The following ACYP2 variants were observed in gnomAD, a reference collection of about 807,000 sequenced individuals.
The protein encoded by ACYP2 is acylphosphatase-2.
In ACYP2, 12 loss-of-function variants were observed where a neutral mutation model predicts 11.2. That is an observed-to-expected ratio of 1.08 (90% CI 0.69 to 1.74). The LOEUF is 1.74. Among genes scored for constraint, ACYP2 ranks in the 40% most tolerant of loss-of-function variants. ACYP2 has a pLI of 0.00. For missense variants in ACYP2, 134 were observed against 101.9 expected (o/e 1.31, Z -1.35); for synonymous variants, 43 against 32.2 (o/e 1.33, Z -1.13).
In ACYP2 at chr2:54,262,814, C is replaced by G. The variant is rs541706019; in HGVS notation, c.405-41874C>G. Among the ~76,000 whole-genome samples the G allele has an allele frequency of 2.0e-5, 3 of 151,906 alleles. No individual in the cohort carries two copies. In the South Asian group the frequency reaches 6.2e-4, roughly 32 times the overall value. On this transcript the variant is annotated intron_variant, in intron 6 of 6. Coordinates refer to ENST00000607452, the MANE Select transcript of ACYP2 (RefSeq NM_001320586.2). ...TTAACTGTATCATCTTTAATTTATC[C>G]TGTTTGAATATAGATTAGGTACAAC...
chr2:54,020,513 C>A (rs1377100857), intron 2 of ACYP2, among the ~76,000 whole-genome samples: 3 of 152,168 alleles, frequency 2.0e-5, no homozygotes, highest in African/African-American at 7.2e-5. Flanking sequence ...TGCAATTATC[C>A]TGTCATTACC....
At chr2:54,178,440 A>C (rs1343873486) in intron 6 of ACYP2, among the ~76,000 whole-genome samples, 1 of 152,168 alleles carries the variant, frequency 6.6e-6, no homozygotes, top group Non-Finnish European at 1.5e-5. Flanking sequence ...ACGTATTTTC[A>C]AGATGATTGG....
chr2:54,251,308 A>T (rs767764618), intron 6 of ACYP2, among the ~76,000 whole-genome samples: 3 of 152,224 alleles, frequency 2.0e-5, no homozygotes, highest in Admixed American at 1.3e-4. Flanking sequence ...GATGTGCAGC[A>T]TACTTTTAAA....
chr2:54,132,146 C>T (rs1216300838), intron 4 of ACYP2, among the ~76,000 whole-genome samples: 1 of 150,208 alleles, frequency 6.7e-6, no homozygotes, highest in Non-Finnish European at 1.5e-5. Context: ...TTACTGTGTT[C>T]TGGGATCCCC....
At chr2:54,022,782 G>A (rs1674073990) in intron 2 of ACYP2, among the ~76,000 whole-genome samples, 1 of 152,172 alleles carries the variant, frequency 6.6e-6, no homozygotes, top group Non-Finnish European at 1.5e-5. Flanking sequence ...CAGGCAAGGG[G>A]TGCCCTCTCC....
chr2:54,142,123 C>G (rs1681643202), intron 6 of ACYP2: 1 of 390,576 alleles, frequency 2.6e-6, no homozygotes, highest in African/African-American at 2.1e-5. Context: ...ACTTTCCTGC[C>G]TCAGCCTCCC....
chr2:54,223,604 T>C (rs1339077007), intron 6 of ACYP2, among the ~76,000 whole-genome samples: 1 of 152,212 alleles, frequency 6.6e-6, no homozygotes, highest in Non-Finnish European at 1.5e-5. Context: ...GAAGAACTGA[T>C]TTCCACTTCT....
chr2:54,095,028 C>G (rs1005500570), intron 4 of ACYP2, among the ~76,000 whole-genome samples: 1 of 134,918 alleles, frequency 7.4e-6, no homozygotes, highest in Non-Finnish European at 1.7e-5. Flanking sequence ...GCAGAGGACC[C>G]TGCGGCCTTC....
chr2:54,123,224 A>T, intron 4 of ACYP2: 1 of 397,052 alleles, frequency 2.5e-6, no homozygotes, highest in Non-Finnish European at 4.4e-6. Flanking sequence ...TCCGCTAGAG[A>T]GAAAGATGCT....
rs191914911 is a variant in ACYP2 at position 54,228,839 on chromosome 2, C to A, written c.405-75849C>A. ...CCATAACCAGGGGACTGAGACTTCA[C>A]AGTAAGGAACCCAGCCAGTAGAAAC... On this transcript the variant is annotated intron_variant, in intron 6 of 6. Transcript: ENST00000607452. Among the ~76,000 whole-genome samples the A allele has an allele frequency of 2.1e-3, 323 of 152,170 alleles. 2 individuals carry two copies. The highest frequency in any genetic ancestry group is 7.1e-3 in the African/African-American group (295 of 41,516).
intron 6 of ACYP2, among the ~76,000 whole-genome samples, chr2:54,154,262 T>G (rs1169580183): frequency 1.3e-5 from 2 of 152,214 alleles, no homozygotes; most frequent in Non-Finnish European, 2.9e-5. Flanking sequence ...TCCTTTCCTA[T>G]TTGAATGCCT....
At chr2:54,225,294 G>T (rs1203235131) in intron 6 of ACYP2, among the ~76,000 whole-genome samples, 2 of 152,158 alleles carry the variant, frequency 1.3e-5, no homozygotes, top group Non-Finnish European at 2.9e-5. Context: ...AAAGGAGCTG[G>T]TTATTGTGAC....
intron 3 of ACYP2, among the ~76,000 whole-genome samples, chr2:54,056,355 A>G (rs1289393515): frequency 1.3e-5 from 2 of 152,198 alleles, no homozygotes; most frequent in African/African-American, 4.8e-5. Context: ...ATAAAATCAT[A>G]TGTTCTTTCC....
intron 4 of ACYP2, among the ~76,000 whole-genome samples, chr2:54,101,595 A>T (rs1049420685): frequency 2.0e-5 from 3 of 150,516 alleles, no homozygotes; most frequent in Non-Finnish European, 4.4e-5. Context: ...AATCGCTTGA[A>T]CCTGGGAGGC....
At chr2:54,300,633 C>A (rs1353048338) in intron 6 of ACYP2, among the ~76,000 whole-genome samples, 1 of 152,220 alleles carries the variant, frequency 6.6e-6, no homozygotes, top group Non-Finnish European at 1.5e-5. Flanking sequence ...TCCTCGCTTT[C>A]CACAAATTGT....
chr2:54,019,375 A>C (rs932919177), intron 2 of ACYP2, among the ~76,000 whole-genome samples: 1 of 150,646 alleles, frequency 6.6e-6, no homozygotes, highest in Admixed American at 6.6e-5. Flanking sequence ...CTTGGCCTTT[A>C]TTTTAATTTT....
At chr2:54,116,933 G>A (rs2103731474) in intron 4 of ACYP2, among the ~76,000 whole-genome samples, 1 of 152,254 alleles carries the variant, frequency 6.6e-6, no homozygotes, top group South Asian at 2.1e-4. Flanking sequence ...TTACAGAACA[G>A]GTGACTCAGG....
chr2:53,980,915 G>C (rs1254670644), intron 2 of ACYP2, among the ~76,000 whole-genome samples: 1 of 152,026 alleles, frequency 6.6e-6, no homozygotes, highest in East Asian at 1.9e-4. Flanking sequence ...ACCATGTCCT[G>C]CTAATTTTCT....
At chr2:54,115,512 C>G in intron 4 of ACYP2, 103 bp from the exon 1 acceptor site, 1 of 1,451,986 alleles carries the variant, frequency 6.9e-7, no homozygotes. Context: ...CCCGGCTGCC[C>G]TCGCTCCCAG....
Sources: gnomAD v4.1 joint callset for allele counts (sites outside exome capture counted in the v4.1 genomes callset) on GRCh38, gnomAD v4.1.1 for gene constraint, MANE v1.5 for transcripts, NCBI Gene and HGNC (gene_info 2026-07-23, HGNC 2026-07-21) for gene names.